Variants in PDE4D observed in about 807,000 individuals in gnomAD.
PDE4D encodes the protein phosphodiesterase 4D.
In PDE4D, 24 loss-of-function variants were observed where a neutral mutation model predicts 87.4. That is an observed-to-expected ratio of 0.27 (90% CI 0.20 to 0.39). The LOEUF is 0.39. PDE4D is among the 10% of genes least tolerant of loss of function. PDE4D has a pLI of 1.00. For missense variants in PDE4D, 714 were observed against 1,041.0 expected, an observed-to-expected ratio of 0.69 and a Z score of 4.32; for synonymous variants, 384 against 383.2, an observed-to-expected ratio of 1.00 and a Z score of -0.02.
intron 1 of PDE4D, among the ~76,000 whole-genome samples, chr5:59,260,449 T>C (rs970542916): frequency 1.3e-5 from 2 of 151,886 alleles, no homozygotes; most frequent in African/African-American, 4.8e-5. Context: ...ACATTTCCTA[T>C]ATTCTTTCTC....
chr5:60,002,482 G>A (rs1764110078), intron 2 of PDE4D, among the ~76,000 whole-genome samples: 5 of 151,984 alleles, frequency 3.3e-5, no homozygotes, highest in Admixed American at 3.3e-4. Context: ...AAATTACAGG[G>A]CAGTATCCCT....
intron 5 of PDE4D, among the ~76,000 whole-genome samples, chr5:59,155,553 A>G (rs1780051027): frequency 6.6e-6 from 1 of 152,222 alleles, no homozygotes; most frequent in Non-Finnish European, 1.5e-5. Flanking sequence ...TGAAAAGAGA[A>G]GATCAAGAAC....
intron 1 of PDE4D, among the ~76,000 whole-genome samples, chr5:59,655,776 A>T (rs1744251968): frequency 6.6e-6 from 1 of 152,192 alleles, no homozygotes; most frequent in Non-Finnish European, 1.5e-5. Flanking sequence ...CCCCCACCTT[A>T]GAGCATTTAA....
intron 1 of PDE4D, among the ~76,000 whole-genome samples, chr5:59,874,309 G>A (rs540051085): frequency 2.0e-5 from 3 of 152,130 alleles, no homozygotes; most frequent in Non-Finnish European, 2.9e-5. Context: ...TTGCACAAAC[G>A]TGAATATTCT....
intron 1 of PDE4D, among the ~76,000 whole-genome samples, chr5:59,485,934 T>C (rs932120531): frequency 2.6e-5 from 4 of 152,142 alleles, no homozygotes; most frequent in South Asian, 2.1e-4. Context: ...GAGTTTGCTA[T>C]CTAAATACCA....
Position 58,977,892 on chromosome 5 carries a change from T to C in PDE4D, c.1553-547A>G, listed in dbSNP as rs185692452. On this transcript the variant is annotated intron_variant, in intron 11 of 14. Coordinates refer to ENST00000340635, the MANE Select transcript of PDE4D (RefSeq NM_001104631.2). ...TTTATTCATTGTTTTCCATTTTCTT[T>C]TCCAAGTATCGTGGCAGTCATTGTA... Among the ~76,000 whole-genome samples, 14 of 152,320 alleles carry C rather than the reference T, an allele frequency of 9.2e-5. No homozygotes were observed. In the East Asian group the frequency reaches 2.5e-3, roughly 27 times the overall value.
chr5:59,545,129 A>T (rs1280240379), intron 1 of PDE4D, among the ~76,000 whole-genome samples: 3 of 152,104 alleles, frequency 2.0e-5, no homozygotes, highest in Non-Finnish European at 2.9e-5. Context: ...TATTTTTATT[A>T]TTTTGTGGGG....
intron 6 of PDE4D, among the ~76,000 whole-genome samples, chr5:59,031,277 C>T (rs1464666753): frequency 6.6e-6 from 1 of 150,838 alleles, no homozygotes; most frequent in Non-Finnish European, 1.5e-5. Context: ...GATATTTGCA[C>T]TCCCATATTC....
chr5:59,423,227 T>A (rs1384252912), intron 1 of PDE4D, among the ~76,000 whole-genome samples: 1 of 152,212 alleles, frequency 6.6e-6, no homozygotes, highest in East Asian at 1.9e-4. Context: ...TCCTCAGGCC[T>A]CATCATCCCC....
chr5:59,308,648 G>T (rs1259060641), intron 1 of PDE4D, among the ~76,000 whole-genome samples: 1 of 151,896 alleles, frequency 6.6e-6, no homozygotes, highest in Non-Finnish European at 1.5e-5. Context: ...TGCCTGTTCT[G>T]GTGCAGGGGG....
At chr5:59,135,481 AT>A (rs1561545631) in intron 5 of PDE4D, among the ~76,000 whole-genome samples, 2 of 152,180 alleles carry the variant, frequency 1.3e-5, no homozygotes, top group African/African-American at 2.4e-5. Context: ...TTTACTTGGA[AT>A]GAAAAAAGTA....
rs529931944 is a variant in PDE4D at position 59,328,353 on chromosome 5, A to G, written c.456-112385T>C. Among the ~76,000 whole-genome samples, 6 of 152,294 alleles carry G rather than the reference A, an allele frequency of 3.9e-5. No individual in the cohort carries two copies. The South Asian group carries it at 1.2e-3, about 32-fold the overall frequency. On this transcript the variant is annotated intron_variant, in intron 1 of 14. Transcript: ENST00000340635. The stretch of plus-strand genomic sequence containing the variant: ...TTAAAGCACTTCACATATATGAAAC[A>G]CTGGCACAATGTAGGTATTATATAA...
At chr5:59,586,250 G>T in intron 1 of PDE4D, 2 of 1,112,264 alleles carry the variant, frequency 1.8e-6, no homozygotes, top group Non-Finnish European at 2.7e-6. Flanking sequence ...TCTAGTTCAA[G>T]ACAAATCCTC....
chr5:59,407,141 G>T (rs1427294145), intron 1 of PDE4D, among the ~76,000 whole-genome samples: 1 of 152,164 alleles, frequency 6.6e-6, no homozygotes, highest in Non-Finnish European at 1.5e-5. Flanking sequence ...CTGGTGGGAG[G>T]TGTCTGAGTC....
chr5:60,394,030 T>C (rs1762722089), intron 1 of PDE4D, among the ~76,000 whole-genome samples: 3 of 152,222 alleles, frequency 2.0e-5, no homozygotes, highest in Non-Finnish European at 4.4e-5. Flanking sequence ...GCAGCTTAAG[T>C]GCTCAATAAA....
At chr5:59,475,010 G>C (rs1311735098) in intron 1 of PDE4D, among the ~76,000 whole-genome samples, 1 of 151,856 alleles carries the variant, frequency 6.6e-6, no homozygotes, top group Non-Finnish European at 1.5e-5. Flanking sequence ...ATATAATTTT[G>C]AGTTGGAAGT....
intron 2 of PDE4D, among the ~76,000 whole-genome samples, chr5:60,113,980 T>C (rs1194899541): frequency 6.6e-6 from 1 of 152,152 alleles, no homozygotes; most frequent in African/African-American, 2.4e-5. Flanking sequence ...GGTGGCAATA[T>C]TTACTGGAAT....
chr5:60,045,732 T>C (rs898657156), intron 2 of PDE4D, among the ~76,000 whole-genome samples: 3 of 152,238 alleles, frequency 2.0e-5, no homozygotes, highest in African/African-American at 7.2e-5. Context: ...ATGTCTGTTT[T>C]GGTACCAGTA....
chr5:59,702,755 G>C (rs577230186), intron 1 of PDE4D, among the ~76,000 whole-genome samples: 16 of 149,848 alleles, frequency 1.1e-4, no homozygotes, highest in Non-Finnish European at 2.4e-4. Flanking sequence ...TGTAATTCCA[G>C]CTACTTGAGA....
Sources: gnomAD v4.1 joint callset for allele counts (sites outside exome capture counted in the v4.1 genomes callset) on GRCh38, gnomAD v4.1.1 for gene constraint, MANE v1.5 for transcripts, NCBI Gene and HGNC (gene_info 2026-07-23, HGNC 2026-07-21) for gene names.